PADI2: variants seen among roughly 807,000 people sequenced by gnomAD.
PADI2 encodes the protein protein-arginine deiminase type-2.
PADI2 carries 70 observed loss-of-function variants against 81.1 expected under a neutral mutation model. The ratio of observed to expected loss-of-function variants is 0.86; its 90% CI spans 0.71 to 1.05. PADI2 has a LOEUF of 1.05. Ranked by LOEUF, PADI2 falls within the 50% of genes least tolerant of loss-of-function variation. The pLI is 0.00. For missense variants in PADI2, 853 were observed against 889.9 expected (o/e 0.96, Z 0.53); for synonymous variants, 338 against 358.0 (o/e 0.94, Z 0.63).
At position 17,115,738 on chromosome 1, in the gene PADI2, C is replaced by T. The variant is rs1264311408; in HGVS notation, c.92+3542G>A. Among the ~76,000 whole-genome samples, 1 of 152,202 alleles carries T rather than the reference C, an allele frequency of 6.6e-6. No individual in the cohort carries two copies. The highest frequency in any genetic ancestry group is 1.5e-5 in the Non-Finnish European group (1 of 68,030). ...AGAAGTGACTGTCGGCTAAAGGGACCACCGGAGGAGATTGTGTGGGCCAGG... is the reference window on the plus strand; with the variant it reads ...AGAAGTGACTGTCGGCTAAAGGGACTACCGGAGGAGATTGTGTGGGCCAGG... On this transcript the variant is annotated intron_variant, in intron 1 of 15. Transcript: ENST00000375486. The surrounding 1 kb of genome is among the most constrained non-coding windows in gnomAD (Gnocchi z 4.1).
At chr1:17,080,597 A>C (rs537026721) in intron 10 of PADI2, among the ~76,000 whole-genome samples, 1 of 152,218 alleles carries the variant, frequency 6.6e-6, no homozygotes, top group Non-Finnish European at 1.5e-5. Context: ...CAAAAGTGGC[A>C]GCTATGAATA....
At chr1:17,085,925 T>A (rs977469854) in intron 7 of PADI2, among the ~76,000 whole-genome samples, 1 of 152,174 alleles carries the variant, frequency 6.6e-6, no homozygotes, top group Non-Finnish European at 1.5e-5. Flanking sequence ...TGATAGAGAT[T>A]CTTGTGAGCA....
intron 15 of PADI2, 105 bp downstream of exon 15, chr1:17,069,983 T>C (rs1323213182): frequency 4.6e-6 from 6 of 1,318,316 alleles, no homozygotes; most frequent in African/African-American, 4.4e-5. Flanking sequence ...TCAGCCAGGA[T>C]TGGGACCTGG....
Position 17,086,534 on chromosome 1 carries a change from T to C in PADI2, c.821A>G (p.Glu274Gly). Residue 274 changes from glutamate (E) to glycine (G), a missense_variant, in exon 7 of 16, where the codon GAG becomes GGG. Transcript: ENST00000375486. ...TGGAGCCCTCACCTGGGCCATGTACTCCAGCAGGCTGACATGGATGGAGAC... is the reference window on the plus strand; with the variant it reads ...TGGAGCCCTCACCTGGGCCATGTACCCCAGCAGGCTGACATGGATGGAGAC... ...GLVSIHVSLL[E>G]YMAQDIPLTP... 1 of 1,613,312 alleles carries C rather than the reference T, an allele frequency of 6.2e-7. No homozygotes were observed. The highest frequency in any genetic ancestry group is 1.1e-5 in the South Asian group (1 of 91,046).
chr1:17,102,114 A>G (rs984995873), intron 3 of PADI2, among the ~76,000 whole-genome samples: 2 of 152,246 alleles, frequency 1.3e-5, no homozygotes, highest in Non-Finnish European at 2.9e-5. Flanking sequence ...TTGACTCTCA[A>G]TAACTGGTAG....
chr1:17,103,170 C>T (rs1234737554), intron 2 of PADI2, 111 bp from the exon 3 acceptor site: 27 of 756,582 alleles, frequency 3.6e-5, no homozygotes, highest in Non-Finnish European at 6.0e-5. Context: ...TCAAGCCAAC[C>T]CTCTCCAAAC....
At chr1:17,088,725 A>G (rs1930557381) in intron 6 of PADI2, among the ~76,000 whole-genome samples, 1 of 151,874 alleles carries the variant, frequency 6.6e-6, no homozygotes, top group African/African-American at 2.4e-5. Flanking sequence ...TGGCCAACAC[A>G]GTGAAACCCC....
At chr1:17,091,711 T>G (rs1930706606) in intron 6 of PADI2, among the ~76,000 whole-genome samples, 1 of 152,126 alleles carries the variant, frequency 6.6e-6, no homozygotes, top group Non-Finnish European at 1.5e-5. Flanking sequence ...GGCACCCATC[T>G]AGTGGTGCCT....
chr1:17,111,870 T>C (rs1476736313), intron 1 of PADI2, among the ~76,000 whole-genome samples: 1 of 152,126 alleles, frequency 6.6e-6, no homozygotes, highest in Non-Finnish European at 1.5e-5. Context: ...AGGTGGGGGT[T>C]AGTCCTGCAT....
chr1:17,070,258 C>G (rs2078256290), intron 14 of PADI2, 42 bp from the exon 15 acceptor site: 2 of 1,606,612 alleles, frequency 1.2e-6, no homozygotes, highest in Admixed American at 1.7e-5. Context: ...GTGAGGGGGA[C>G]ACACACCGGC....
At chr1:17,077,435 C>A (rs957465662) in intron 11 of PADI2, among the ~76,000 whole-genome samples, 2 of 152,036 alleles carry the variant, frequency 1.3e-5, no homozygotes, top group South Asian at 2.1e-4. Context: ...CTTTAAGGGC[C>A]GCCCCTGAGC....
intron 1 of PADI2, among the ~76,000 whole-genome samples, chr1:17,117,563 C>T (rs758756778): frequency 1.3e-5 from 2 of 152,050 alleles, no homozygotes; most frequent in Non-Finnish European, 2.9e-5. Context: ...CAAGGGGAAT[C>T]GTCACACTGC....
intron 10 of PADI2, among the ~76,000 whole-genome samples, chr1:17,080,852 A>G (rs2078339062): frequency 6.6e-6 from 1 of 152,154 alleles, no homozygotes; most frequent in Non-Finnish European, 1.5e-5. Context: ...GAGTCGGAGG[A>G]TGTGGCTTAT....
intron 3 of PADI2, among the ~76,000 whole-genome samples, chr1:17,101,988 G>A (rs1254544056): frequency 6.6e-6 from 1 of 152,132 alleles, no homozygotes; most frequent in Non-Finnish European, 1.5e-5. Flanking sequence ...TTAATATCAG[G>A]TGTTTACCAT....
At chr1:17,112,874 T>C (rs1290521569) in intron 1 of PADI2, among the ~76,000 whole-genome samples, 1 of 152,236 alleles carries the variant, frequency 6.6e-6, no homozygotes, top group Non-Finnish European at 1.5e-5. Context: ...ATTCAAAGCC[T>C]GGTTAGAGCT....
In PADI2 at chr1:17,069,294, C is replaced by G. The variant is rs553136582; in HGVS notation, c.1765-17G>C. The stretch of plus-strand genomic sequence containing the variant: ...CATGTTCACCTGTGACGGGGGATTG[C>G]GATGGCAACAGCTTCCATTTAGTGA... On this transcript the variant is annotated splice_polypyrimidine_tract_variant and intron_variant, in intron 15 of 15. Transcript: ENST00000375486. The G allele has an allele frequency of 6.7e-5, 107 of 1,594,340 alleles. No individual in the cohort carries two copies. Among genetic ancestry groups the G allele is most frequent in the Middle Eastern group, 3.3e-4 (2 of 6,048 alleles).
rs768623545 is a variant in PADI2, at chr1:17,074,941, C to T, written c.1464G>A (p.Leu488=). 6 of 1,611,194 alleles carry T rather than the reference C, an allele frequency of 3.7e-6. No individual in the cohort carries two copies. The highest frequency in any genetic ancestry group is 4.2e-6 in the Non-Finnish European group (5 of 1,178,128). Residue 488 remains leucine (L), a synonymous_variant, in exon 13 of 16, where the codon CTG becomes CTA. Transcript: ENST00000375486. ...FVPIPGTKKF[L]LLMASTSACY... is the part of the protein sequence containing the mutation. ...AGGCCGAGGTGCTGGCCATGAGTAG[C>T]AGGAATTTCTGCAAGAGACAGTCCA...
chr1:17,094,066 C>T (rs1930813206), intron 4 of PADI2, among the ~76,000 whole-genome samples: 1 of 152,158 alleles, frequency 6.6e-6, no homozygotes, highest in Admixed American at 6.5e-5. Flanking sequence ...TGCCACCCAG[C>T]TGTTTCCAGA....
intron 1 of PADI2, among the ~76,000 whole-genome samples, chr1:17,112,116 A>G (rs1288916634): frequency 1.3e-5 from 2 of 152,086 alleles, no homozygotes; most frequent in African/African-American, 2.4e-5. Context: ...CAGGAAAGCA[A>G]CAGAGGAAGT....
Sources: gnomAD v4.1 joint callset for allele counts (sites outside exome capture counted in the v4.1 genomes callset) on GRCh38, gnomAD v4.1.1 for gene constraint, Gnocchi (gnomAD v3.1) non-coding constraint, MANE v1.5 for transcripts, NCBI Gene and HGNC (gene_info 2026-07-23, HGNC 2026-07-21) for gene names.